SGCG: variants seen among roughly 807,000 people sequenced by gnomAD.
The protein encoded by SGCG is sarcoglycan gamma.
A neutral mutation model predicts 29.3 loss-of-function variants in SGCG; 26 were observed. The observed-to-expected ratio is 0.89, with a 90% confidence interval of 0.65 to 1.23. The LOEUF (loss-of-function observed/expected upper bound fraction) is 1.23, where lower values mean the gene tolerates loss of function less well. Among genes scored for constraint, SGCG ranks in the 50% most tolerant of loss-of-function variants. The pLI, the probability that SGCG is intolerant of heterozygous loss-of-function variation, is 0.00. For synonymous variants in SGCG, 145 were observed against 129.7 expected, an observed-to-expected ratio of 1.12 and a Z score of -0.80; for missense variants, 353 against 356.0, an observed-to-expected ratio of 0.99 and a Z score of 0.07.
At position 23,247,954 on chromosome 13, in the gene SGCG, TAAAAAAA is replaced by T. The variant is rs200707498; in HGVS notation, c.298-2662_298-2656del. Reference sequence around the variant, plus strand: ...GCAACAGAGTGAAACTCCCATCTCTTAAAAAAAAAAAAAAAAAAAAGTTTTTTAACAA... The same window carrying T: ...GCAACAGAGTGAAACTCCCATCTCTTAAAAAAAAAAAAAGTTTTTTAACAA... On this transcript the variant is annotated intron_variant, in intron 3 of 7. Coordinates refer to ENST00000218867, the MANE Select transcript of SGCG (RefSeq NM_000231.3). Among the ~76,000 whole-genome samples the T allele has an allele frequency of 3.7e-3, 413 of 110,734 alleles. 3 individuals carry two copies. Among genetic ancestry groups the T allele is most frequent in the African/African-American group, 0.014 (394 of 27,544 alleles). The allele number at this position is 110,734 out of a possible 152,430, so 72.6% of individuals were successfully genotyped here.
At chr13:23,322,595 T>C (rs1883076413) in intron 7 of SGCG, among the ~76,000 whole-genome samples, 1 of 152,110 alleles carries the variant, frequency 6.6e-6, no homozygotes, top group South Asian at 2.1e-4. Flanking sequence ...TTCTCAGGGA[T>C]TGCCTGAGTT....
intron 6 of SGCG, among the ~76,000 whole-genome samples, chr13:23,315,802 G>A (rs1882784627): frequency 6.6e-6 from 1 of 152,216 alleles, no homozygotes; most frequent in Non-Finnish European, 1.5e-5. Flanking sequence ...GAAAATTGGT[G>A]ACAAAGAAAT....
intron 4 of SGCG, chr13:23,267,644 A>G (rs1216147112): frequency 1.3e-5 from 2 of 152,378 alleles, no homozygotes; most frequent in African/African-American, 4.8e-5. Context: ...ATACAAGAAC[A>G]ATAAAGTGAA....
intron 1 of SGCG, among the ~76,000 whole-genome samples, chr13:23,188,979 G>A (rs980715150): frequency 8.5e-5 from 13 of 152,180 alleles, no homozygotes; most frequent in Admixed American, 7.2e-4. Context: ...GGCCAGATTG[G>A]TGAATTAAAT....
Position 23,320,715 on chromosome 13 carries a change from G to A in SGCG, c.657G>A (p.Glu219=). ...TTCAAGCTCACGCTGGGAAAATTGA[G>A]GCGCTTTCTCAAATGGATATTCTTT... ...VHIQAHAGKI[E]ALSQMDILFH... is the part of the protein sequence containing the mutation. Residue 219 remains glutamate, a synonymous_variant, in exon 7 of 8, where the codon GAG becomes GAA. Coordinates refer to ENST00000218867, the MANE Select transcript of SGCG (RefSeq NM_000231.3). 1 of 1,613,282 alleles carries A rather than the reference G, an allele frequency of 6.2e-7. No homozygotes were observed. The highest frequency in any genetic ancestry group is 8.5e-7 in the Non-Finnish European group (1 of 1,179,676).
chr13:23,210,185 T>C (rs1394963909), intron 2 of SGCG, among the ~76,000 whole-genome samples: 1 of 152,224 alleles, frequency 6.6e-6, no homozygotes, highest in Admixed American at 6.5e-5. Context: ...TATTTGTTTA[T>C]GAAGTAAATT....
intron 4 of SGCG, among the ~76,000 whole-genome samples, chr13:23,257,474 A>C (rs564252711): frequency 6.6e-6 from 1 of 152,094 alleles, no homozygotes; most frequent in African/African-American, 2.4e-5. Flanking sequence ...AGACTGCAAA[A>C]ATTTTCTCCC....
At chr13:23,298,067 A>G (rs1881979099) in intron 6 of SGCG, among the ~76,000 whole-genome samples, 1 of 149,166 alleles carries the variant, frequency 6.7e-6, no homozygotes. Flanking sequence ...TTAAATTGTT[A>G]TTATACAGCC....
At chr13:23,173,791 T>C in the SGCG span, among the ~76,000 whole-genome samples, 2 of 152,190 alleles carry the variant, frequency 1.3e-5, 1 homozygote, top group Admixed American at 1.3e-4. Context: ...ACATCAGATA[T>C]ATAAAATGTC....
At chr13:23,168,942 A>G in the SGCG span, among the ~76,000 whole-genome samples, 4 of 152,076 alleles carry the variant, frequency 2.6e-5, no homozygotes, top group Non-Finnish European at 5.9e-5. Context: ...TCCTTTCTTA[A>G]TAGCACAAAA....
chr13:23,300,145 C>T (rs1882095909), intron 6 of SGCG, among the ~76,000 whole-genome samples: 3 of 152,178 alleles, frequency 2.0e-5, no homozygotes. Context: ...ATTTCCACGT[C>T]TGTTCATCTA....
At chr13:23,205,695 G>A (rs1364735517) in intron 2 of SGCG, among the ~76,000 whole-genome samples, 1 of 151,714 alleles carries the variant, frequency 6.6e-6, no homozygotes, top group African/African-American at 2.4e-5. Flanking sequence ...TTTCACTGAT[G>A]GAGAAGGGCT....
At chr13:23,252,457 C>T (rs779849800) in intron 4 of SGCG, among the ~76,000 whole-genome samples, 4 of 151,826 alleles carry the variant, frequency 2.6e-5, no homozygotes, top group African/African-American at 4.8e-5. Flanking sequence ...TTTGGGAGGC[C>T]GAGGTGGGTG....
At chr13:23,286,380 A>G (rs1454535907) in intron 5 of SGCG, among the ~76,000 whole-genome samples, 1 of 152,262 alleles carries the variant, frequency 6.6e-6, no homozygotes, top group Admixed American at 6.5e-5. Flanking sequence ...TAGATTTGCC[A>G]GCAACTAAAG....
chr13:23,235,538 TC>T (rs1879277345), intron 3 of SGCG, among the ~76,000 whole-genome samples: 2 of 152,212 alleles, frequency 1.3e-5, no homozygotes, highest in African/African-American at 4.8e-5. Flanking sequence ...TTCATTTACC[TC>T]CATGGAGCTT....
At chr13:23,161,124 T>G in the SGCG span, among the ~76,000 whole-genome samples, 21 of 151,708 alleles carry the variant, frequency 1.4e-4, no homozygotes, top group African/African-American at 5.1e-4. Context: ...TACTTGGGGG[T>G]TTTAGAGGGG....
chr13:23,302,932 A>G (rs1434498781), intron 6 of SGCG, among the ~76,000 whole-genome samples: 1 of 152,128 alleles, frequency 6.6e-6, no homozygotes, highest in East Asian at 1.9e-4. Flanking sequence ...TACGTTCTGA[A>G]CTCTTCCCTA....
intron 7 of SGCG, among the ~76,000 whole-genome samples, chr13:23,321,213 G>T (rs1214024822): frequency 6.6e-6 from 1 of 151,978 alleles, no homozygotes; most frequent in Non-Finnish European, 1.5e-5. Context: ...AAATAAGAGT[G>T]TTTTTTTCAA....
chr13:23,222,661 A>G (rs1472866247), intron 2 of SGCG, among the ~76,000 whole-genome samples: 2 of 151,956 alleles, frequency 1.3e-5, no homozygotes. Context: ...CCCTGTCTCT[A>G]CTAAAAATAC....
Sources: gnomAD v4.1 joint callset for allele counts (sites outside exome capture counted in the v4.1 genomes callset) on GRCh38, gnomAD v4.1.1 for gene constraint, MANE v1.5 for transcripts, NCBI Gene and HGNC (gene_info 2026-07-23, HGNC 2026-07-21) for gene names.